Variants in MTMR8 observed in about 807,000 individuals in gnomAD.
MTMR8 encodes myotubularin related protein 8.
A neutral mutation model predicts 39.3 loss-of-function variants in MTMR8; 65 were observed. The observed-to-expected ratio is 1.65, with a 90% confidence interval of 1.35 to 2.03. The LOEUF (loss-of-function observed/expected upper bound fraction) is 2.03, where lower values mean the gene tolerates loss of function less well. Among genes scored for constraint, MTMR8 ranks in the 30% most tolerant of loss-of-function variants. The probability of loss-of-function intolerance (pLI) is 0.00; values close to 1 mark genes in which losing one functional copy is unlikely to be tolerated. For missense variants in MTMR8, 777 were observed against 538.9 expected (o/e 1.44, Z -4.37); for synonymous variants, 245 against 185.2 (o/e 1.32, Z -2.62).
At chrX:64,348,558 A>G in intron 6 of MTMR8, 102 bp downstream of exon 6, 3 of 1,011,139 alleles carry the variant, frequency 3.0e-6, no homozygotes, top group South Asian at 2.2e-5. Context: ...ATAAACACAC[A>G]TACACAAACC....
chrX:64,302,403 A>C (rs1346143124), intron 12 of MTMR8, among the ~76,000 whole-genome samples: 1 of 112,519 alleles, frequency 8.9e-6, no homozygotes, highest in Non-Finnish European at 1.9e-5. Context: ...CAGGTGAGGC[A>C]ATGCCTCGCC....
At chrX:64,388,133 G>C (rs1174582272) in intron 1 of MTMR8, among the ~76,000 whole-genome samples, 1 of 111,835 alleles carries the variant, frequency 8.9e-6, no homozygotes, top group African/African-American at 3.3e-5. Flanking sequence ...TCCATCTACT[G>C]TCCTGATTTG....
At chrX:64,347,099 G>C (rs1271678755) in intron 6 of MTMR8, among the ~76,000 whole-genome samples, 2 of 110,909 alleles carry the variant, frequency 1.8e-5, no homozygotes, top group Non-Finnish European at 3.8e-5. Flanking sequence ...CCTCAGGTTT[G>C]ACTGACTCCT....
At chrX:64,301,416 T>G (rs1921870112) in intron 12 of MTMR8, among the ~76,000 whole-genome samples, 2 of 105,579 alleles carry the variant, frequency 1.9e-5, no homozygotes, top group Non-Finnish European at 3.9e-5. Flanking sequence ...GAGCCTTGGT[T>G]TTCAGCTCCA....
At position 64,305,840 on chromosome X, in the gene MTMR8, G is replaced by A. The variant is rs191979239; in HGVS notation, c.1481+22932C>T. On this transcript the variant is annotated intron_variant, in intron 12 of 13. Transcript: ENST00000374852. ...ATAAATTGGCCATAACCCAGGCTGG[G>A]CATGGTGGCTCACACTTGGAATGCT... 3.5e-4 allele frequency: 109 copies of A among 310,123 alleles called. 1 individual carries two copies. In the Admixed American group the frequency reaches 4.4e-3, roughly 12 times the overall value. The allele number at this position is 310,123 out of a possible 1,213,427, so 25.6% of individuals were successfully genotyped here.
chrX:64,302,495 C>T (rs1408607909), intron 12 of MTMR8, among the ~76,000 whole-genome samples: 1 of 112,041 alleles, frequency 8.9e-6, no homozygotes, highest in Non-Finnish European at 1.9e-5. Flanking sequence ...AACCCGGTAC[C>T]TCAGATGGAA....
chrX:64,356,141 A>G, intron 3 of MTMR8, 35 bp downstream of exon 3: 1 of 1,169,182 alleles, frequency 8.6e-7, no homozygotes, highest in Non-Finnish European at 1.1e-6. Flanking sequence ...GAAAAATATT[A>G]AAATGGTTTT....
chrX:64,395,201 C>A, intron 1 of MTMR8, 139 bp downstream of exon 1: 1 of 628,621 alleles, frequency 1.6e-6, no homozygotes, highest in Non-Finnish European at 2.5e-6. Context: ...GGGTGTGGAC[C>A]CAGAAAGAGA....
At chrX:64,284,774 TGAGA>T (rs1387812425) in intron 12 of MTMR8, among the ~76,000 whole-genome samples, 1 of 111,528 alleles carries the variant, frequency 9.0e-6, no homozygotes, top group Non-Finnish European at 1.9e-5. Context: ...AAGCAAATGC[TGAGA>T]GATTTTGTCA....
At chrX:64,274,061 T>C (rs1472276221) in intron 12 of MTMR8, among the ~76,000 whole-genome samples, 5 of 110,808 alleles carry the variant, frequency 4.5e-5, no homozygotes, top group Non-Finnish European at 9.5e-5. Flanking sequence ...GAGAGGAAAA[T>C]CAAAAAACAA....
chrX:64,343,766 G>C, intron 7 of MTMR8, 46 bp from the exon 8 acceptor site: 1 of 914,225 alleles, frequency 1.1e-6, no homozygotes, highest in Non-Finnish European at 1.6e-6. Flanking sequence ...AATCAACTCA[G>C]TTTATTCATT....
chrX:64,279,130 G>A (rs894444968), intron 12 of MTMR8, among the ~76,000 whole-genome samples: 1 of 111,892 alleles, frequency 8.9e-6, no homozygotes, highest in Middle Eastern at 4.3e-3. Flanking sequence ...TTCAGAGCTG[G>A]CAGGCAGGAA....
At chrX:64,351,235 T>A (rs1923480212) in intron 4 of MTMR8, among the ~76,000 whole-genome samples, 2 of 110,960 alleles carry the variant, frequency 1.8e-5, no homozygotes. Flanking sequence ...AATCTCTACT[T>A]ATTCCTCTCA....
rs1924796948 is a variant in MTMR8 at position 64,395,437 on chromosome X, C to T, written c.-74G>A. On this transcript the variant is annotated 5_prime_UTR_variant, in exon 1 of 14. Transcript: ENST00000374852. Reference sequence around the variant, plus strand: ...CCGCCACCGGTCTAGCCGCCTCCTGCCTCAACCCGGGTTTCTACCCCCGCC... The same window carrying T: ...CCGCCACCGGTCTAGCCGCCTCCTGTCTCAACCCGGGTTTCTACCCCCGCC... 1.8e-6 allele frequency: 2 copies of T among 1,110,796 alleles called. No individual in the cohort carries two copies. Among genetic ancestry groups the T allele is most frequent in the African/African-American group, 1.8e-5 (1 of 55,396 alleles). The allele number at this position is 1,110,796 out of a possible 1,213,427, so 91.5% of individuals were successfully genotyped here. A position where few individuals can be genotyped will look rare whatever the true frequency, so the allele number is the denominator to read the frequency against.
intron 12 of MTMR8, chrX:64,305,607 AC>A: frequency 1.9e-6 from 1 of 522,319 alleles, no homozygotes; most frequent in Non-Finnish European, 3.6e-6. Flanking sequence ...AGTCTGAACC[AC>A]CCGGCGGCTG....
intron 1 of MTMR8, among the ~76,000 whole-genome samples, chrX:64,378,459 G>A (rs757119675): frequency 1.8e-5 from 2 of 111,644 alleles, no homozygotes; most frequent in South Asian, 3.8e-4. Context: ...CGCCTCAAAC[G>A]ATCCTCCTGC....
At chrX:64,311,671 A>G (rs1223480098) in intron 12 of MTMR8, among the ~76,000 whole-genome samples, 1 of 110,594 alleles carries the variant, frequency 9.0e-6, no homozygotes, top group African/African-American at 3.3e-5. Flanking sequence ...TAATTTTTGT[A>G]TAAGGTGTAA....
chrX:64,358,184 C>A (rs1449142321), intron 2 of MTMR8, among the ~76,000 whole-genome samples: 2 of 111,449 alleles, frequency 1.8e-5, no homozygotes, highest in Non-Finnish European at 3.8e-5. Flanking sequence ...ATAATCTAAC[C>A]ACCTCATTTT....
At chrX:64,308,593 T>A (rs1008698578) in intron 12 of MTMR8, among the ~76,000 whole-genome samples, 3 of 111,521 alleles carry the variant, frequency 2.7e-5, no homozygotes, top group African/African-American at 9.8e-5. Context: ...CCTAATTTTT[T>A]ATTTTCCAAT....
Sources: allele counts gnomAD v4.1 joint callset (sites outside exome capture counted in the v4.1 genomes callset), GRCh38; gene constraint gnomAD v4.1.1; transcripts MANE v1.5; gene names NCBI Gene and HGNC (gene_info 2026-07-23, HGNC 2026-07-21).